The following KCNK9 variants were observed in gnomAD, a reference collection of about 807,000 sequenced individuals.
KCNK9 encodes the protein potassium two pore domain channel subfamily K member 9, also known as potassium channel subfamily K member 9.
A neutral mutation model predicts 10.8 loss-of-function variants in KCNK9; 1 was observed. The ratio of observed to expected loss-of-function variants is 0.09; its 90% confidence interval spans 0.03 to 0.44. The LOEUF is 0.44. KCNK9 is among the 20% of genes least tolerant of loss of function. The probability of loss-of-function intolerance (pLI) is 0.97; values close to 1 mark genes in which losing one functional copy is unlikely to be tolerated. For synonymous variants in KCNK9, 231 were observed against 222.7 expected, an observed-to-expected ratio of 1.04 and a Z score of -0.33; for missense variants, 303 against 515.0, an observed-to-expected ratio of 0.59 and a Z score of 3.98.
At chr8:139,600,885 T>A (rs1183298405), downstream of KCNK9, 1 of 152,214 alleles carries the variant, frequency 6.6e-6, no homozygotes, top group East Asian at 1.9e-4. Flanking sequence ...ATCACATACA[T>A]TATCTCAGTA....
At chr8:139,639,093 C>A (rs764875797) in intron 1 of KCNK9, among the ~76,000 whole-genome samples, 13 of 152,282 alleles carry the variant, frequency 8.5e-5, no homozygotes, top group African/African-American at 2.9e-4. Flanking sequence ...GTCACTCCTG[C>A]GCCGCCCCTT....
intron 1 of KCNK9, among the ~76,000 whole-genome samples, chr8:139,644,363 C>T (rs1172961506): frequency 6.6e-6 from 1 of 152,194 alleles, no homozygotes; most frequent in Admixed American, 6.5e-5. Flanking sequence ...TATCTGATTC[C>T]ATTCTGTTCT....
Position 139,617,526 on chromosome 8 carries a change from C to T in KCNK9, c.*732G>A, listed in dbSNP as rs1050669753. 5.9e-5 allele frequency among the ~76,000 whole-genome samples: 9 copies of T among 152,074 alleles called. No homozygotes were observed. The highest frequency in any genetic ancestry group is 1.2e-4 in the African/African-American group (5 of 41,396). On this transcript the variant is annotated 3_prime_UTR_variant, in exon 2 of 2. Coordinates refer to ENST00000520439, the MANE Select transcript of KCNK9 (RefSeq NM_001282534.2). ...GATGGTTTGGGTCGTCTTGCCCACC[C>T]GCCCCTAAAAAACATTAATATAATT...
chr8:139,673,315 CCATTGAGTTG>C (rs1816478793), intron 1 of KCNK9, among the ~76,000 whole-genome samples: 1 of 152,184 alleles, frequency 6.6e-6, no homozygotes, highest in African/African-American at 2.4e-5. Context: ...ATGCTCAATA[CCATTGAGTTG>C]CAGAGTTTAA....
At chr8:139,681,540 G>A (rs759863564) in intron 1 of KCNK9, among the ~76,000 whole-genome samples, 7 of 152,224 alleles carry the variant, frequency 4.6e-5, no homozygotes, top group South Asian at 2.1e-4. Context: ...AACTTGACCC[G>A]GCAGACTTCC....
At chr8:139,651,380 G>C (rs538935972) in intron 1 of KCNK9, among the ~76,000 whole-genome samples, 1 of 152,190 alleles carries the variant, frequency 6.6e-6, no homozygotes. Flanking sequence ...GGATGGGCAC[G>C]GCAACCACAC....
At chr8:139,630,499 T>C (rs547193241) in intron 1 of KCNK9, among the ~76,000 whole-genome samples, 1 of 152,306 alleles carries the variant, frequency 6.6e-6, no homozygotes, top group Admixed American at 6.5e-5. Flanking sequence ...CGCTCGCTGG[T>C]CCCACTTAGC....
At chr8:139,650,730 A>G (rs1413625575) in intron 1 of KCNK9, among the ~76,000 whole-genome samples, 1 of 152,208 alleles carries the variant, frequency 6.6e-6, no homozygotes, top group African/African-American at 2.4e-5. Context: ...CACCCCTGAG[A>G]AATGAGAAAT....
downstream of KCNK9, chr8:139,615,849 A>G (rs1281931831): frequency 6.6e-6 from 1 of 151,958 alleles, no homozygotes; most frequent in Non-Finnish European, 1.5e-5. Context: ...CTCCTATATG[A>G]CCAAATTGAC....
intron 1 of KCNK9, among the ~76,000 whole-genome samples, chr8:139,654,487 G>A (rs1815963663): frequency 6.6e-6 from 1 of 152,160 alleles, no homozygotes; most frequent in Admixed American, 6.5e-5. Context: ...CAGACCCTCT[G>A]GCTTCCTGGA....
At chr8:139,674,527 A>T (rs75633454) in intron 1 of KCNK9, among the ~76,000 whole-genome samples, 1,868 of 152,196 alleles carry the variant, frequency 0.012, 40 homozygotes, top group African/African-American at 0.043. Flanking sequence ...CCGGTTCTCC[A>T]ATTTCACAGC....
chr8:139,632,125 T>C (rs200374985), intron 1 of KCNK9, among the ~76,000 whole-genome samples: 6 of 152,140 alleles, frequency 3.9e-5, no homozygotes, highest in East Asian at 3.9e-4. Context: ...TTCCTAATAA[T>C]GGGATCACCT....
At chr8:139,659,147 G>A (rs910062876) in intron 1 of KCNK9, among the ~76,000 whole-genome samples, 2 of 152,322 alleles carry the variant, frequency 1.3e-5, no homozygotes, top group East Asian at 1.9e-4. Context: ...GCAAGAAACC[G>A]CTCTGGGACC....
At chr8:139,648,872 AC>A (rs1355343162) in intron 1 of KCNK9, among the ~76,000 whole-genome samples, 1 of 152,148 alleles carries the variant, frequency 6.6e-6, no homozygotes, top group African/African-American at 2.4e-5. Context: ...CCATCCCCCC[AC>A]TGCCTTTCCT....
intron 1 of KCNK9, among the ~76,000 whole-genome samples, chr8:139,690,693 C>A (rs546729392): frequency 2.6e-5 from 4 of 152,110 alleles, no homozygotes; most frequent in Non-Finnish European, 5.9e-5. Flanking sequence ...TGGGACTGCA[C>A]CCTGGACAGG....
At chr8:139,661,106 C>T (rs1816140425) in intron 1 of KCNK9, among the ~76,000 whole-genome samples, 1 of 152,230 alleles carries the variant, frequency 6.6e-6, no homozygotes, top group Admixed American at 6.5e-5. Context: ...GCTCTCCAGC[C>T]ACTCCCAGGC....
intron 2 of KCNK9, among the ~76,000 whole-genome samples, chr8:139,607,251 C>T (rs1184232150): frequency 6.6e-6 from 1 of 152,216 alleles, no homozygotes; most frequent in Non-Finnish European, 1.5e-5. Flanking sequence ...CTCCTTGGCA[C>T]TGCTTCTAGA....
At chr8:139,678,378 C>T (rs1816611044) in intron 1 of KCNK9, among the ~76,000 whole-genome samples, 1 of 152,226 alleles carries the variant, frequency 6.6e-6, no homozygotes, top group Non-Finnish European at 1.5e-5. Flanking sequence ...CCCTCTAGGA[C>T]CACAGCCCCG....
chr8:139,663,752 C>A (rs758205015), intron 1 of KCNK9, among the ~76,000 whole-genome samples: 1 of 151,894 alleles, frequency 6.6e-6, no homozygotes, highest in Non-Finnish European at 1.5e-5. Context: ...GTCGCTGCAA[C>A]CGCCTGAGAG....
Sources: allele counts gnomAD v4.1 joint callset (sites outside exome capture counted in the v4.1 genomes callset), GRCh38; gene constraint gnomAD v4.1.1; transcripts MANE v1.5; gene names NCBI Gene and HGNC (gene_info 2026-07-23, HGNC 2026-07-21).